The following FAM167A variants were observed in gnomAD, a reference collection of about 807,000 sequenced individuals.
The protein encoded by FAM167A is family with sequence similarity 167 member A.
In FAM167A, 23 loss-of-function variants were observed where a neutral mutation model predicts 14.9. That is an observed-to-expected ratio of 1.55 (90% CI 1.11 to 2.19). The LOEUF is 2.19. Ranked by LOEUF, FAM167A falls within the 30% of genes most tolerant of loss-of-function variation. The pLI, the probability that FAM167A is intolerant of heterozygous loss-of-function variation, is 0.00. For missense variants in FAM167A, 401 were observed against 281.5 expected, an observed-to-expected ratio of 1.42 and a Z score of -3.04; for synonymous variants, 174 against 117.7, an observed-to-expected ratio of 1.48 and a Z score of -3.10.
chr8:11,461,644 C>A (rs1247077039), intron 1 of FAM167A, among the ~76,000 whole-genome samples: 1 of 152,250 alleles, frequency 6.6e-6, no homozygotes, highest in Non-Finnish European at 1.5e-5. Context: ...CTTCAGCCCA[C>A]CAGAGTGGCT....
At chr8:11,471,260 C>T (rs546879127), upstream of FAM167A, among the ~76,000 whole-genome samples, 10 of 152,272 alleles carry the variant, frequency 6.6e-5, no homozygotes, top group Admixed American at 1.3e-4. Flanking sequence ...GGTTGCTCAG[C>T]GGCCGAGGTG....
At chr8:11,454,067 G>A (rs1420091220) in intron 1 of FAM167A, among the ~76,000 whole-genome samples, 1 of 152,210 alleles carries the variant, frequency 6.6e-6, no homozygotes, top group Non-Finnish European at 1.5e-5. Context: ...ATTTCTGGAA[G>A]GAAGAATTAG....
intron 1 of FAM167A, among the ~76,000 whole-genome samples, chr8:11,460,490 C>T (rs1255229985): frequency 1.3e-5 from 2 of 152,176 alleles, no homozygotes; most frequent in African/African-American, 4.8e-5. Flanking sequence ...GGAGTAGAGG[C>T]GCCGACTCGC....
At chr8:11,437,165 C>T (rs1273436605) in intron 2 of FAM167A, among the ~76,000 whole-genome samples, 1 of 152,186 alleles carries the variant, frequency 6.6e-6, no homozygotes, top group Non-Finnish European at 1.5e-5. Flanking sequence ...TGAATCCAGA[C>T]CCACTGCAGG....
At chr8:11,426,014 T>C (rs1468176439) in intron 2 of FAM167A, among the ~76,000 whole-genome samples, 1 of 152,184 alleles carries the variant, frequency 6.6e-6, no homozygotes, top group Non-Finnish European at 1.5e-5. Flanking sequence ...TGAAAAGAGA[T>C]ATTTACCATC....
chr8:11,442,865 A>G (rs1415001963), intron 2 of FAM167A, among the ~76,000 whole-genome samples: 2 of 152,206 alleles, frequency 1.3e-5, no homozygotes, highest in Non-Finnish European at 2.9e-5. Context: ...GTTAAAACGC[A>G]AACAGGCTTC....
At position 11,431,848 on chromosome 8, in the gene FAM167A, T is replaced by C. The variant is rs549250778; in HGVS notation, c.382-7212A>G. Among the ~76,000 whole-genome samples the C allele has an allele frequency of 4.6e-4, 62 of 133,558 alleles. 2 individuals are homozygous for C. The highest frequency in any genetic ancestry group is 8.3e-4 in the Admixed American group (10 of 12,096). The allele number at this position is 133,558 out of a possible 152,430, so 87.6% of individuals were successfully genotyped here. On this transcript the variant is annotated intron_variant, in intron 2 of 2. Transcript: ENST00000284486. ...GAGGTAGAAGGGCCTCTCTGGGGGG[T>C]TACTGGAGATGGGGGCCACAGAAGG...
chr8:11,474,893 G>A (rs529260646), intron 1 of FAM167A, among the ~76,000 whole-genome samples: 4 of 151,896 alleles, frequency 2.6e-5, no homozygotes, highest in Admixed American at 6.6e-5. Context: ...CATCAACAGC[G>A]AAGGCGACAT....
intron 2 of FAM167A, among the ~76,000 whole-genome samples, chr8:11,441,598 G>A (rs1009950397): frequency 6.6e-6 from 1 of 152,126 alleles, no homozygotes; most frequent in Non-Finnish European, 1.5e-5. Flanking sequence ...CACCTCACGA[G>A]CCTCACCTGC....
chr8:11,435,602 G>A (rs897707592), intron 2 of FAM167A, among the ~76,000 whole-genome samples: 3 of 152,146 alleles, frequency 2.0e-5, no homozygotes, highest in Non-Finnish European at 4.4e-5. Flanking sequence ...CGGGCTGACC[G>A]CCACCCTCTG....
chr8:11,446,881 G>A (rs987161207), intron 1 of FAM167A, among the ~76,000 whole-genome samples: 20 of 152,224 alleles, frequency 1.3e-4, no homozygotes, highest in Non-Finnish European at 2.4e-4. Context: ...TGGGGCAGCT[G>A]CACCTACAGG....
intron 1 of FAM167A, among the ~76,000 whole-genome samples, chr8:11,447,094 G>A (rs1806815992): frequency 6.6e-6 from 1 of 152,238 alleles, no homozygotes; most frequent in Non-Finnish European, 1.5e-5. Flanking sequence ...GGCTACCACT[G>A]CTGGGTGAGG....
chr8:11,443,466 C>G (rs983301215), intron 2 of FAM167A, among the ~76,000 whole-genome samples: 5 of 152,202 alleles, frequency 3.3e-5, no homozygotes, highest in African/African-American at 1.2e-4. Context: ...AGGACCCATC[C>G]CGCCGACTCT....
At position 11,430,738 on chromosome 8, in the gene FAM167A, C is replaced by G. The variant is rs6989218; in HGVS notation, c.382-6102G>C. 3.8e-3 allele frequency among the ~76,000 whole-genome samples: 574 copies of G among 152,058 alleles called. 6 individuals carry two copies. The highest frequency in any genetic ancestry group is 0.013 in the African/African-American group (547 of 41,464). On this transcript the variant is annotated intron_variant, in intron 2 of 2. Transcript: ENST00000284486. ...GAGATTTCCTTACTTCCAAGCTTTA[C>G]GTGGTGAGGGGAGGGTGTGGCAAGG...
At chr8:11,453,491 G>A (rs1371225534) in intron 1 of FAM167A, among the ~76,000 whole-genome samples, 3 of 152,178 alleles carry the variant, frequency 2.0e-5, no homozygotes, top group Admixed American at 6.5e-5. Context: ...TGAAGAGACC[G>A]AGGCACAGAG....
intron 2 of FAM167A, among the ~76,000 whole-genome samples, chr8:11,433,336 A>T (rs1805751135): frequency 6.6e-6 from 1 of 152,234 alleles, no homozygotes; most frequent in East Asian, 1.9e-4. Context: ...TGCACGGACC[A>T]CCAGACAAAT....
chr8:11,462,801 G>T (rs1807591767), intron 1 of FAM167A, among the ~76,000 whole-genome samples: 1 of 152,218 alleles, frequency 6.6e-6, no homozygotes, highest in South Asian at 2.1e-4. Flanking sequence ...ATCTGCTCCA[G>T]AGGCAGCAGG....
At chr8:11,449,960 G>A (rs11250136) in intron 1 of FAM167A, among the ~76,000 whole-genome samples, 56,683 of 152,162 alleles carry the variant, frequency 0.37, 11,059 homozygotes, top group East Asian at 0.65. Flanking sequence ...AGGGGAAGAC[G>A]CAGGCACTGC....
chr8:11,460,822 G>C (rs1480053623), intron 1 of FAM167A, among the ~76,000 whole-genome samples: 1 of 152,060 alleles, frequency 6.6e-6, no homozygotes, highest in Admixed American at 6.5e-5. Flanking sequence ...GTTGAACCCT[G>C]CATCTATTGT....
Sources: allele counts gnomAD v4.1 joint callset (sites outside exome capture counted in the v4.1 genomes callset), GRCh38; gene constraint gnomAD v4.1.1; transcripts MANE v1.5; gene names NCBI Gene and HGNC (gene_info 2026-07-23, HGNC 2026-07-21).